Variants in TNR observed in about 807,000 individuals in gnomAD.
The protein encoded by TNR is tenascin-R.
In TNR, 45 loss-of-function variants were observed where a neutral mutation model predicts 150.4. The observed-to-expected ratio is 0.30, with a 90% CI of 0.24 to 0.38. The LOEUF is 0.38. TNR is among the 10% of genes least tolerant of loss of function. TNR has a pLI of 1.00. For synonymous variants in TNR, 687 were observed against 678.4 expected (o/e 1.01, Z -0.20); for missense variants, 1,544 against 1,759.1 (o/e 0.88, Z 2.19).
chr1:175,379,212 G>A (rs1010728282), intron 9 of TNR, among the ~76,000 whole-genome samples: 3 of 151,218 alleles, frequency 2.0e-5, no homozygotes, highest in Non-Finnish European at 4.4e-5. Flanking sequence ...GTCACTGGAG[G>A]AGGTGTGAAG....
rs1553203394 is a variant in TNR, at chr1:175,331,063, T to TC, written c.3632-829_3632-828insG. On this transcript the variant is annotated intron_variant, in intron 20 of 22. Transcript: ENST00000367674. The stretch of plus-strand genomic sequence containing the variant: ...TTTCTTTCTTTCTTTCTTTCTTTCT[T>TC]TCTTTCTTTCTTTCCTTCTTTCTTT... 9.4e-4 allele frequency among the ~76,000 whole-genome samples: 120 copies of TC among 127,988 alleles called. 3 individuals carry two copies. The highest frequency in any genetic ancestry group is 3.1e-3 in the African/African-American group (98 of 31,334). 84.0% of individuals were successfully genotyped at this position (127,988 alleles called of 152,430 possible). A position where few individuals can be genotyped will look rare whatever the true frequency, so the allele number is the denominator to read the frequency against.
At chr1:175,426,158 G>T (rs890966752) in intron 2 of TNR, among the ~76,000 whole-genome samples, 3 of 152,210 alleles carry the variant, frequency 2.0e-5, no homozygotes, top group African/African-American at 7.2e-5. Context: ...CTCAAGGGAT[G>T]AAGTGTTTGG....
At chr1:175,503,635 C>G (rs895417149) in intron 2 of TNR, among the ~76,000 whole-genome samples, 1 of 152,158 alleles carries the variant, frequency 6.6e-6, no homozygotes. Context: ...TCCACAAGGG[C>G]AGCTTTCTCC....
At chr1:175,503,493 G>A (rs79268160) in intron 2 of TNR, among the ~76,000 whole-genome samples, 3,037 of 152,224 alleles carry the variant, frequency 0.02, 43 homozygotes, top group Non-Finnish European at 0.03. Flanking sequence ...TTCGTCTATG[G>A]TATTTATGTA....
At chr1:175,558,788 G>A (rs1469151841) in intron 1 of TNR, among the ~76,000 whole-genome samples, 1 of 152,154 alleles carries the variant, frequency 6.6e-6, no homozygotes, top group Non-Finnish European at 1.5e-5. Flanking sequence ...GGAGAGGGAT[G>A]AGTAAGCAGA....
At chr1:175,501,762 G>A (rs180938511) in intron 2 of TNR, among the ~76,000 whole-genome samples, 23 of 151,414 alleles carry the variant, frequency 1.5e-4, no homozygotes, top group African/African-American at 3.2e-4. Flanking sequence ...ACCTATTTAC[G>A]TCTAAATTCA....
intron 1 of TNR, among the ~76,000 whole-genome samples, chr1:175,623,409 A>C (rs999081610): frequency 2.0e-5 from 3 of 152,180 alleles, no homozygotes; most frequent in African/African-American, 7.2e-5. Context: ...AGTTGTTCCT[A>C]ATGCTGTGAA....
rs116383355 is a variant in TNR at position 175,396,636 on chromosome 1, G to T, written c.1148C>A (p.Thr383Lys). 31 of 1,614,090 alleles carry T rather than the reference G, an allele frequency of 1.9e-5. No individual in the cohort carries two copies. Among genetic ancestry groups the T allele is most frequent in the African/African-American group, 5.3e-5 (4 of 74,936 alleles). ...VPGDWSGVTI[T>K]ELEPGLTYNI... The stretch of plus-strand genomic sequence containing the variant: ...GTAGGTGAGACCTGGCTCCAGCTCC[G>T]TGATGGTGACACCACTCCAATCTCC... The change falls in exon 5 of 23, where the codon ACG (threonine) becomes AAG (lysine). Residue 383 changes from threonine (T) to lysine (K), a missense_variant. Physicochemically the swap from Thr to Lys is moderately conservative, Grantham distance 78. Transcript: ENST00000367674.
At chr1:175,540,305 A>G (rs1257187422) in intron 1 of TNR, among the ~76,000 whole-genome samples, 1 of 152,016 alleles carries the variant, frequency 6.6e-6, no homozygotes, top group African/African-American at 2.4e-5. Flanking sequence ...CACTGATCAC[A>G]CTCCCAGAGA....
intron 1 of TNR, among the ~76,000 whole-genome samples, chr1:175,564,772 C>A (rs1187605511): frequency 6.6e-6 from 1 of 152,098 alleles, no homozygotes; most frequent in Admixed American, 6.5e-5. Flanking sequence ...TTGAAGCAGG[C>A]AGGCCCTGGG....
At chr1:175,364,699 C>T (rs1352768076) in intron 12 of TNR, among the ~76,000 whole-genome samples, 1 of 152,158 alleles carries the variant, frequency 6.6e-6, no homozygotes, top group Non-Finnish European at 1.5e-5. Context: ...AGAGGGATTC[C>T]TCTTGGAGAC....
intron 1 of TNR, among the ~76,000 whole-genome samples, chr1:175,661,501 T>G (rs1417841531): frequency 1.3e-5 from 2 of 152,120 alleles, no homozygotes; most frequent in African/African-American, 4.8e-5. Context: ...GGTTGGGCCT[T>G]GAGAGAAAAG....
At chr1:175,352,772 T>C (rs561307065) in intron 18 of TNR, among the ~76,000 whole-genome samples, 3 of 152,336 alleles carry the variant, frequency 2.0e-5, no homozygotes, top group East Asian at 1.9e-4. Flanking sequence ...TTGTGATGTA[T>C]TGAAAAGTGT....
intron 6 of TNR, among the ~76,000 whole-genome samples, chr1:175,391,863 G>A (rs1178099351): frequency 6.6e-6 from 1 of 152,222 alleles, no homozygotes; most frequent in Non-Finnish European, 1.5e-5. Flanking sequence ...GTGTGTTTGT[G>A]TGTAAACATC....
chr1:175,386,145 G>A lies in TNR; in HGVS notation c.1664C>T (p.Pro555Leu). ...GGCCTGCACTGAGTATTGGCTCAGG[G>A]GAGGCTGCAGCCGGAAGGTGGTCCT... ...GGRTTFRLQP[P>L]LSQYSVQALR... is the part of the protein sequence containing the mutation. The change falls in exon 8 of 23, where the codon CCC becomes CTC. Residue 555 changes from proline (P) to leucine (L), a missense_variant. Around this residue, in one of 2 missense-constraint regions of TNR, gnomAD observed 1,254 missense variants for 1,329.4 expected, o/e 0.94. Coordinates refer to ENST00000367674, the MANE Select transcript of TNR (RefSeq NM_003285.3). 1 of 1,613,146 alleles carries A rather than the reference G, an allele frequency of 6.2e-7. No individual in the cohort carries two copies. Among genetic ancestry groups the A allele is most frequent in the Non-Finnish European group, 8.5e-7 (1 of 1,179,238 alleles).
rs1351175469 is a variant in TNR at position 175,318,088 on chromosome 1, G to A, written c.*5269C>T. ...AAGTCAGATCCAGGCAGAACTGGTT[G>A]AGCAAAGAAAGAAAGTCCTTCTGCT... On this transcript the variant is annotated 3_prime_UTR_variant, in exon 23 of 23. Transcript: ENST00000367674. 6.6e-6 allele frequency: 1 copy of A among 152,280 alleles called. No homozygotes were observed. Among genetic ancestry groups the A allele is most frequent in the Admixed American group, 6.5e-5 (1 of 15,288 alleles). The allele number at this position is 152,280 out of a possible 1,614,324, so 9.4% of individuals were successfully genotyped here. A position where few individuals can be genotyped will look rare whatever the true frequency, so the allele number is the denominator to read the frequency against.
At chr1:175,511,344 C>G (rs1659166149) in intron 2 of TNR, among the ~76,000 whole-genome samples, 1 of 152,076 alleles carries the variant, frequency 6.6e-6, no homozygotes, top group Non-Finnish European at 1.5e-5. Context: ...AACTGTCATG[C>G]CAAAGCTATT....
intron 1 of TNR, among the ~76,000 whole-genome samples, chr1:175,552,371 C>G (rs767207174): frequency 3.3e-5 from 5 of 152,180 alleles, no homozygotes; most frequent in Non-Finnish European, 7.3e-5. Flanking sequence ...ATGGCAGGAC[C>G]CAACTGCAGA....
At chr1:175,547,517 G>C (rs1274393230) in intron 1 of TNR, among the ~76,000 whole-genome samples, 4 of 151,764 alleles carry the variant, frequency 2.6e-5, no homozygotes, top group African/African-American at 9.7e-5. Context: ...TTGAAGGATG[G>C]GTGGCATGCT....
Sources: allele counts gnomAD v4.1 joint callset (sites outside exome capture counted in the v4.1 genomes callset), GRCh38; gene constraint gnomAD v4.1.1; regional missense constraint gnomAD v4.1.1; transcripts MANE v1.5; gene names NCBI Gene and HGNC (gene_info 2026-07-23, HGNC 2026-07-21).